Variants in TNNI3K observed in about 807,000 individuals in gnomAD.
The protein encoded by TNNI3K is TNNI3 interacting kinase.
In TNNI3K, 140 loss-of-function variants were observed where a neutral mutation model predicts 114.5. The ratio of observed to expected loss-of-function variants is 1.22; its 90% confidence interval spans 1.07 to 1.41. The LOEUF (loss-of-function observed/expected upper bound fraction) is 1.41, where lower values mean the gene tolerates loss of function less well. TNNI3K is among the 40% of genes most tolerant of loss of function. The probability of loss-of-function intolerance (pLI) is 0.00; values close to 1 mark genes in which losing one functional copy is unlikely to be tolerated. For missense variants in TNNI3K, 1,125 were observed against 1,007.6 expected (o/e 1.12, Z -1.58); for synonymous variants, 347 against 347.5 (o/e 1.00, Z 0.02).
chr1:74,481,620 T>A (rs966404766), intron 21 of TNNI3K, among the ~76,000 whole-genome samples: 1 of 152,214 alleles, frequency 6.6e-6, no homozygotes, highest in Non-Finnish European at 1.5e-5. Context: ...CTAATATCTG[T>A]TCCCTCCAAT....
chr1:74,296,989 GCATTTCTT>G (rs1322714834), intron 5 of TNNI3K, among the ~76,000 whole-genome samples: 1 of 151,982 alleles, frequency 6.6e-6, no homozygotes, highest in Admixed American at 6.6e-5. Context: ...AATCCCTCAG[GCATTTCTT>G]CATTTCTTCA....
At chr1:74,410,325 AT>A (rs904633679) in intron 17 of TNNI3K, among the ~76,000 whole-genome samples, 8 of 152,112 alleles carry the variant, frequency 5.3e-5, no homozygotes, top group African/African-American at 1.9e-4. Flanking sequence ...GCTTATATTA[AT>A]TTTCCAAAAT....
chr1:74,511,749 C>G (rs1405472731), intron 23 of TNNI3K, among the ~76,000 whole-genome samples: 1 of 151,882 alleles, frequency 6.6e-6, no homozygotes, highest in East Asian at 1.9e-4. Context: ...TGAGAAGAGT[C>G]AAGGTAGGCT....
chr1:74,300,499 G>A (rs572323086), intron 5 of TNNI3K, among the ~76,000 whole-genome samples: 3 of 152,292 alleles, frequency 2.0e-5, no homozygotes, highest in African/African-American at 7.2e-5. Flanking sequence ...GAAGATCGAA[G>A]CAAATAAATG....
At chr1:74,528,383 G>A (rs74761312) in intron 23 of TNNI3K, among the ~76,000 whole-genome samples, 2,249 of 152,214 alleles carry the variant, frequency 0.015, 49 homozygotes, top group African/African-American at 0.05. Flanking sequence ...GGGCAGGCAG[G>A]TGGGGAATAG....
At position 74,463,469 on chromosome 1, in the gene TNNI3K, C is replaced by T. The variant is rs202076699; in HGVS notation, c.2040C>T (p.His680=). 2 of 1,614,228 alleles carry T rather than the reference C, an allele frequency of 1.2e-6. No individual in the cohort carries two copies. The highest frequency in any genetic ancestry group is 1.7e-6 in the Non-Finnish European group (2 of 1,180,040). The change falls in exon 21 of 25, where the codon CAC becomes CAT. Residue 680 remains histidine, a synonymous_variant. Coordinates refer to ENST00000326637, the MANE Select transcript of TNNI3K (RefSeq NM_015978.3). ...CTGCGGCAGCAGACATGGCTTACCA[C>T]CACATCAGACCTCCCATTGGCTATT... ...PAAAAADMAY[H]HIRPPIGYSI...
At chr1:74,353,164 T>C in intron 9 of TNNI3K, 102 bp from the exon 10 acceptor site, 2 of 1,210,096 alleles carry the variant, frequency 1.7e-6, no homozygotes, top group Non-Finnish European at 2.3e-6. Flanking sequence ...TTATGGGGGT[T>C]ATAACTTCAG....
chr1:74,404,517 A>T (rs1387411250), intron 17 of TNNI3K, among the ~76,000 whole-genome samples: 1 of 152,156 alleles, frequency 6.6e-6, no homozygotes, highest in Non-Finnish European at 1.5e-5. Context: ...TTCAGCATAC[A>T]TCAGAATCAT....
intron 23 of TNNI3K, among the ~76,000 whole-genome samples, chr1:74,497,619 T>C (rs1171455652): frequency 1.3e-5 from 2 of 151,122 alleles, no homozygotes; most frequent in Non-Finnish European, 3.0e-5. Context: ...CACACATACA[T>C]TCCTCCACAC....
intron 5 of TNNI3K, among the ~76,000 whole-genome samples, chr1:74,317,355 C>G (rs1659370801): frequency 6.6e-6 from 1 of 152,152 alleles, no homozygotes; most frequent in South Asian, 2.1e-4. Flanking sequence ...ATAATGCTTA[C>G]TATGGATTAA....
At chr1:74,397,482 A>T (rs2100582874) in intron 17 of TNNI3K, among the ~76,000 whole-genome samples, 1 of 152,306 alleles carries the variant, frequency 6.6e-6, no homozygotes, top group Non-Finnish European at 1.5e-5. Flanking sequence ...TCAGGAATAT[A>T]TTAAATCAAA....
At chr1:74,250,041 C>T (rs1435683292) in intron 3 of TNNI3K, among the ~76,000 whole-genome samples, 1 of 152,156 alleles carries the variant, frequency 6.6e-6, no homozygotes, top group Non-Finnish European at 1.5e-5. Flanking sequence ...TTGAATGGTG[C>T]CTGGCCTGTA....
intron 2 of TNNI3K, among the ~76,000 whole-genome samples, chr1:74,246,019 ATAGT>A (rs1443331681): frequency 6.6e-6 from 1 of 152,236 alleles, no homozygotes; most frequent in Non-Finnish European, 1.5e-5. Context: ...TTTCATGAAG[ATAGT>A]TAAGAATTTA....
In TNNI3K at chr1:74,309,366, C is replaced by CAAAAAAAAAAAA. The variant is rs71078188; in HGVS notation, c.445-22080_445-22069dup. 3.5e-3 allele frequency among the ~76,000 whole-genome samples: 83 copies of CAAAAAAAAAAAA among 23,982 alleles called. 3 individuals are homozygous for CAAAAAAAAAAAA. Among genetic ancestry groups the CAAAAAAAAAAAA allele is most frequent in the African/African-American group, 5.7e-3 (32 of 5,628 alleles). The allele number at this position is 23,982 out of a possible 152,430, so 15.7% of individuals were successfully genotyped here. A position where few individuals can be genotyped will look rare whatever the true frequency, so the allele number is the denominator to read the frequency against. On this transcript the variant is annotated intron_variant, in intron 5 of 24. Coordinates refer to ENST00000326637, the MANE Select transcript of TNNI3K (RefSeq NM_015978.3). Reference sequence around the variant, plus strand: ...CCTGGGCGACAGCGAGACTCTGTCTCAAAAAAAAAAAAAAAGAAGAGATAA... The same window carrying CAAAAAAAAAAAA: ...CCTGGGCGACAGCGAGACTCTGTCTCAAAAAAAAAAAAAAAAAAAAAAAAAAAGAAGAGATAA...
chr1:74,420,229 C>T (rs1293357207), intron 17 of TNNI3K, among the ~76,000 whole-genome samples: 1 of 152,080 alleles, frequency 6.6e-6, no homozygotes, highest in African/African-American at 2.4e-5. Context: ...AGGAGTAAAA[C>T]TGCAAATAAA....
intron 21 of TNNI3K, chr1:74,470,598 G>A: frequency 5.0e-6 from 2 of 400,680 alleles, no homozygotes; most frequent in Non-Finnish European, 8.8e-6. Context: ...TTTGGGGAAT[G>A]AGAGAGGAAT....
chr1:74,387,734 C>T (rs1197163263), intron 17 of TNNI3K, among the ~76,000 whole-genome samples: 1 of 152,168 alleles, frequency 6.6e-6, no homozygotes, highest in East Asian at 1.9e-4. Context: ...CCAGCTCTGC[C>T]ACTTCAAAAC....
chr1:74,466,804 T>A (rs938489979), intron 21 of TNNI3K, among the ~76,000 whole-genome samples: 1 of 152,186 alleles, frequency 6.6e-6, no homozygotes, highest in African/African-American at 2.4e-5. Flanking sequence ...TGTTTTTCAT[T>A]CTTTCCTTCA....
intron 17 of TNNI3K, among the ~76,000 whole-genome samples, chr1:74,414,787 C>T (rs1391047297): frequency 6.6e-6 from 1 of 152,276 alleles, no homozygotes; most frequent in African/African-American, 2.4e-5. Flanking sequence ...GGCATCACTG[C>T]CATCTTGATC....
Sources: allele counts gnomAD v4.1 joint callset (sites outside exome capture counted in the v4.1 genomes callset), GRCh38; gene constraint gnomAD v4.1.1; transcripts MANE v1.5; gene names NCBI Gene and HGNC (gene_info 2026-07-23, HGNC 2026-07-21).